The following ZNHIT1 variants were observed in gnomAD, a reference collection of about 807,000 sequenced individuals.
The protein encoded by ZNHIT1 is zinc finger HIT domain-containing protein 1.
In ZNHIT1, 20 loss-of-function variants were observed where a neutral mutation model predicts 21.4. The ratio of observed to expected loss-of-function variants is 0.93; its 90% CI spans 0.66 to 1.36. The LOEUF (loss-of-function observed/expected upper bound fraction) is 1.36, where lower values mean the gene tolerates loss of function less well. ZNHIT1 is among the 40% of genes most tolerant of loss of function. The probability of loss-of-function intolerance (pLI) is 0.00; values close to 1 mark genes in which losing one functional copy is unlikely to be tolerated. For missense variants in ZNHIT1, 170 were observed against 213.5 expected, an observed-to-expected ratio of 0.80 and a Z score of 1.27; for synonymous variants, 79 against 84.0, an observed-to-expected ratio of 0.94 and a Z score of 0.32.
At chr7:101,222,526 T>G in intron 1 of ZNHIT1, 78 bp from the exon 2 acceptor site, 2 of 1,519,242 alleles carry the variant, frequency 1.3e-6, no homozygotes, top group Non-Finnish European at 8.9e-7. Flanking sequence ...CCGGGTGCCT[T>G]CCTCGCCCTG....
chr7:101,218,239 G>T, intron 1 of ZNHIT1, 22 bp downstream of exon 1: 1 of 1,610,176 alleles, frequency 6.2e-7, no homozygotes, highest in Non-Finnish European at 8.5e-7. Flanking sequence ...CCCGCGGTTC[G>T]CCCCCTTCCC....
intron 2 of ZNHIT1, among the ~76,000 whole-genome samples, chr7:101,223,052 G>A (rs1397640043): frequency 2.0e-5 from 3 of 152,196 alleles, no homozygotes; most frequent in Non-Finnish European, 4.4e-5. Flanking sequence ...GGAGGGCAGA[G>A]GCTGGTAGCG....
rs144254789 is a variant in ZNHIT1, at chr7:101,223,959, G to T, written c.*1G>T. 1 of 1,614,168 alleles carries T rather than the reference G, an allele frequency of 6.2e-7. No individual in the cohort carries two copies. Among genetic ancestry groups the T allele is most frequent in the South Asian group, 1.1e-5 (1 of 91,084 alleles). On this transcript the variant is annotated 3_prime_UTR_variant, in exon 5 of 5. Coordinates refer to ENST00000305105, the MANE Select transcript of ZNHIT1 (RefSeq NM_006349.3). ...CAGGTGTCTGAAGTGGACTGTGTGAGCCTGGGCATTCCCAGAGAGGAAGGG... is the reference window on the plus strand; with the variant it reads ...CAGGTGTCTGAAGTGGACTGTGTGATCCTGGGCATTCCCAGAGAGGAAGGG...
At position 101,223,959 on chromosome 7, in the gene ZNHIT1, G is replaced by A. The variant is rs144254789; in HGVS notation, c.*1G>A. 102 of 1,614,168 alleles carry A rather than the reference G, an allele frequency of 6.3e-5. 1 individual carries two copies. In the African/African-American group the frequency reaches 1.1e-3, roughly 18 times the overall value. Reference sequence around the variant, plus strand: ...CAGGTGTCTGAAGTGGACTGTGTGAGCCTGGGCATTCCCAGAGAGGAAGGG... The same window carrying A: ...CAGGTGTCTGAAGTGGACTGTGTGAACCTGGGCATTCCCAGAGAGGAAGGG... On this transcript the variant is annotated 3_prime_UTR_variant, in exon 5 of 5. Transcript: ENST00000305105.
rs954538065 is a variant in ZNHIT1, at chr7:101,224,032, A to G, written c.*74A>G. 25 of 1,602,780 alleles carry G rather than the reference A, an allele frequency of 1.6e-5. No individual in the cohort carries two copies. The highest frequency in any genetic ancestry group is 2.2e-5 in the East Asian group (1 of 44,826). ...CAGAAAGACAGAATTTCATCACCCA[A>G]TGCAGGGGGAGCTCTTCCTGGACCA... On this transcript the variant is annotated 3_prime_UTR_variant, in exon 5 of 5. Transcript: ENST00000305105.
chr7:101,222,483 T>C (rs1798384598), intron 1 of ZNHIT1, 121 bp from the exon 2 acceptor site: 3 of 1,200,232 alleles, frequency 2.5e-6, no homozygotes, highest in African/African-American at 1.6e-5. Flanking sequence ...GGCTTGGCAA[T>C]GGGGATGAGA....
At position 101,223,961 on chromosome 7, in the gene ZNHIT1, C is replaced by T; in HGVS notation, c.*3C>T. ...GGTGTCTGAAGTGGACTGTGTGAGC[C>T]TGGGCATTCCCAGAGAGGAAGGGCC... On this transcript the variant is annotated 3_prime_UTR_variant, in exon 5 of 5. Coordinates refer to ENST00000305105, the MANE Select transcript of ZNHIT1 (RefSeq NM_006349.3). 2 of 1,614,172 alleles carry T rather than the reference C, an allele frequency of 1.2e-6. No individual in the cohort carries two copies. Among genetic ancestry groups the T allele is most frequent in the Non-Finnish European group, 1.7e-6 (2 of 1,180,034 alleles).
chr7:101,220,868 C>G (rs1006238236), intron 1 of ZNHIT1: 1 of 152,302 alleles, frequency 6.6e-6, no homozygotes, highest in African/African-American at 2.4e-5. Flanking sequence ...TCTTGTGCCT[C>G]AGCCTCCCGC....
chr7:101,223,069 C>T (rs910041530), intron 2 of ZNHIT1, among the ~76,000 whole-genome samples: 21 of 152,202 alleles, frequency 1.4e-4, no homozygotes, highest in Admixed American at 1.2e-3. Context: ...AGCGAGGGGC[C>T]GACTTAGAGC....
intron 1 of ZNHIT1, chr7:101,221,962 C>T (rs1798377586): frequency 6.6e-6 from 1 of 152,118 alleles, no homozygotes; most frequent in African/African-American, 2.4e-5. Flanking sequence ...GAAAAAGTGA[C>T]ACATCACGTG....
chr7:101,219,958 G>A (rs1415107943), intron 1 of ZNHIT1: 1 of 152,082 alleles, frequency 6.6e-6, no homozygotes, highest in African/African-American at 2.4e-5. Flanking sequence ...ACTCCATGCT[G>A]TACTTACTGT....
At chr7:101,221,244 A>C (rs1204286148) in intron 1 of ZNHIT1, 3 of 139,552 alleles carry the variant, frequency 2.1e-5, no homozygotes, top group Admixed American at 7.5e-5. Flanking sequence ...TTTTGGAGAC[A>C]GTCTTGCTTT....
rs897108192 is a variant in ZNHIT1 at position 101,222,652 on chromosome 7, G to A, written c.71G>A (p.Arg24Gln). 9.3e-6 allele frequency: 15 copies of A among 1,613,732 alleles called. No homozygotes were observed. The highest frequency in any genetic ancestry group is 2.7e-5 in the African/African-American group (2 of 74,920). Residue 24 changes from arginine to glutamine, a missense_variant, in exon 2 of 5, where the codon CGG (arginine) becomes CAG (glutamine). Transcript: ENST00000305105. ...GQRRVLDRAA[R>Q]QRRINRQLEA... The stretch of plus-strand genomic sequence containing the variant: ...CGGCGGGTGCTGGACCGGGCTGCCC[G>A]GCAGCGTCGCATCAACCGGCAGCTG...
rs748755169 is a variant in ZNHIT1 at position 101,218,227 on chromosome 7, C to A, written c.22+10C>A. 3.7e-6 allele frequency: 6 copies of A among 1,611,874 alleles called. No homozygotes were observed. The African/African-American group carries it at 6.7e-5, about 18-fold the overall frequency. On this transcript the variant is annotated intron_variant, in intron 1 of 4. Coordinates refer to ENST00000305105, the MANE Select transcript of ZNHIT1 (RefSeq NM_006349.3). ...GAGAAGAAAACTTCGGGTATGTGAG[C>A]CCCCGCGGTTCGCCCCCTTCCCCTT...
At chr7:101,219,837 C>G (rs1798342883) in intron 1 of ZNHIT1, 1 of 152,194 alleles carries the variant, frequency 6.6e-6, no homozygotes, top group African/African-American at 2.4e-5. Flanking sequence ...ACCAGTTAGG[C>G]CTTAACCTAG....
In ZNHIT1 at chr7:101,224,041, G is replaced by A; in HGVS notation, c.*83G>A. 2 of 1,603,436 alleles carry A rather than the reference G, an allele frequency of 1.2e-6. No homozygotes were observed. Among genetic ancestry groups the A allele is most frequent in the East Asian group, 2.2e-5 (1 of 44,818 alleles). Reference sequence around the variant, plus strand: ...AGAATTTCATCACCCAATGCAGGGGGAGCTCTTCCTGGACCAAGGGAGGAG... The same window carrying A: ...AGAATTTCATCACCCAATGCAGGGGAAGCTCTTCCTGGACCAAGGGAGGAG... On this transcript the variant is annotated 3_prime_UTR_variant, in exon 5 of 5. Coordinates refer to ENST00000305105, the MANE Select transcript of ZNHIT1 (RefSeq NM_006349.3).
Position 101,222,564 on chromosome 7 carries a change from C to T in ZNHIT1, c.23-40C>T, listed in dbSNP as rs551167592. On this transcript the variant is annotated intron_variant, in intron 1 of 4. Transcript: ENST00000305105. ...CAGAGCGGCGGCCACACTGCTCTTT[C>T]TTGGAAGCCCTGTAACTTTGCGTGC... is the stretch of plus-strand genomic sequence containing the variant. 492 of 1,582,334 alleles carry T rather than the reference C, an allele frequency of 3.1e-4. 2 individuals are homozygous for T. In the African/African-American group the frequency reaches 5.7e-3, roughly 18 times the overall value.
intron 1 of ZNHIT1, chr7:101,220,053 G>C (rs1172757334): frequency 6.6e-6 from 1 of 151,926 alleles, no homozygotes; most frequent in Non-Finnish European, 1.5e-5. Flanking sequence ...GGCATTTGGA[G>C]GGGAGACAGA....
Position 101,223,715 on chromosome 7 carries a change from GCGGGACCCCCAT to G in ZNHIT1, c.319_330del (p.Gly107_Ser110del). 1 of 1,612,984 alleles carries G rather than the reference GCGGGACCCCCAT, an allele frequency of 6.2e-7. No individual in the cohort carries two copies. On this transcript the variant is annotated inframe_deletion, in exon 4 of 5. Transcript: ENST00000305105. ...GGGCCCTAACTACCTGACGGCCTGT[GCGGGACCCCCAT>G]CGCGGCCCCAGCGCCCCTTCTGTGC...
Sources: gnomAD v4.1 joint callset for allele counts (sites outside exome capture counted in the v4.1 genomes callset) on GRCh38, gnomAD v4.1.1 for gene constraint, MANE v1.5 for transcripts, NCBI Gene and HGNC (gene_info 2026-07-23, HGNC 2026-07-21) for gene names.